CEMIP: variants seen among roughly 807,000 people sequenced by gnomAD.
The protein encoded by CEMIP is cell migration-inducing and hyaluronan-binding protein.
A neutral mutation model predicts 156.9 loss-of-function variants in CEMIP; 105 were observed. The ratio of observed to expected loss-of-function variants is 0.67; its 90% CI spans 0.57 to 0.79. CEMIP has a LOEUF of 0.79. Ranked by LOEUF, CEMIP falls within the 30% of genes least tolerant of loss-of-function variation. The pLI is 0.00. For synonymous variants in CEMIP, 676 were observed against 668.4 expected, an observed-to-expected ratio of 1.01 and a Z score of -0.17; for missense variants, 1,457 against 1,769.4, an observed-to-expected ratio of 0.82 and a Z score of 3.17.
intron 1 of CEMIP, among the ~76,000 whole-genome samples, chr15:80,810,896 C>CTGGT (rs1896657279): frequency 6.6e-6 from 1 of 152,222 alleles, no homozygotes; most frequent in Non-Finnish European, 1.5e-5. Context: ...AACCATCTGG[C>CTGGT]TGTCCATCCA....
chr15:80,853,322 G>GC (rs1333753227), intron 1 of CEMIP, among the ~76,000 whole-genome samples: 1 of 152,186 alleles, frequency 6.6e-6, no homozygotes, highest in Admixed American at 6.5e-5. Flanking sequence ...AGCTTCAAAG[G>GC]CAGGAATAAA....
In CEMIP at chr15:80,906,709, C is replaced by T. The variant is rs1045540090; in HGVS notation, c.1458C>T (p.Asp486=). The change falls in exon 13 of 30, where the codon GAC becomes GAT. Residue 486 remains aspartate, a synonymous_variant. Transcript: ENST00000394685. The surrounding 1 kb of genome is among the most constrained non-coding windows in gnomAD (Gnocchi z 4.3). The part of the protein sequence containing the change: ...LHIGEEIDGV[D]MRAEVGLLSR... ...TCGGGGAGGAGATAGACGGCGTGGA[C>T]ATGCGGGCGGAGGTTGGGCTTCTGA... The T allele has an allele frequency of 1.2e-6, 2 of 1,614,190 alleles. No homozygotes were observed. Among genetic ancestry groups the T allele is most frequent in the African/African-American group, 1.3e-5 (1 of 75,036 alleles).
chr15:80,935,299 C>T (rs1901077495), intron 23 of CEMIP, among the ~76,000 whole-genome samples: 1 of 152,194 alleles, frequency 6.6e-6, no homozygotes, highest in African/African-American at 2.4e-5. Flanking sequence ...GGCATCCACA[C>T]TGTCAGCATT....
chr15:80,779,857 G>T (rs749921400), intron 1 of CEMIP, among the ~76,000 whole-genome samples: 3 of 152,264 alleles, frequency 2.0e-5, no homozygotes, highest in Non-Finnish European at 4.4e-5. Context: ...ATCTTGTGAT[G>T]CTTTACAAGC....
intron 1 of CEMIP, among the ~76,000 whole-genome samples, chr15:80,853,989 T>A (rs375487720): frequency 1.2e-4 from 18 of 152,338 alleles, no homozygotes; most frequent in African/African-American, 4.3e-4. Flanking sequence ...AACTTCCAAA[T>A]GTAATACCCA....
rs1415722703 is a variant in CEMIP, at chr15:80,889,579, C to A, written c.1073C>A (p.Pro358His). The change falls in exon 10 of 30, where the codon CCC (proline) becomes CAC (histidine). Residue 358 changes from proline to histidine, a missense_variant. Transcript: ENST00000394685. ...CACCCAGGAAAAATATGCAATCGTC[C>A]CATTGATATACAGGTACCAAACTCA... ...KAHPGKICNR[P>H]IDIQATTMDG... The A allele has an allele frequency of 3.7e-6, 6 of 1,613,948 alleles. No homozygotes were observed.
chr15:80,912,627 T>A (rs1400911222), intron 14 of CEMIP, among the ~76,000 whole-genome samples: 1 of 152,088 alleles, frequency 6.6e-6, no homozygotes, highest in Non-Finnish European at 1.5e-5. Flanking sequence ...GACAGCAGGG[T>A]AATGGAGCAC....
chr15:80,900,486 G>C (rs1162125241), intron 12 of CEMIP, among the ~76,000 whole-genome samples: 1 of 151,960 alleles, frequency 6.6e-6, no homozygotes, highest in Non-Finnish European at 1.5e-5. Context: ...AAGGACATTC[G>C]GCTCGGAGCA....
intron 1 of CEMIP, among the ~76,000 whole-genome samples, chr15:80,853,481 G>A (rs1368537617): frequency 2.0e-5 from 3 of 152,140 alleles, no homozygotes; most frequent in Admixed American, 1.3e-4. Context: ...TGAAAGGGCA[G>A]ATCACAGAGA....
chr15:80,817,592 C>A (rs958661998), intron 1 of CEMIP, among the ~76,000 whole-genome samples: 3 of 127,796 alleles, frequency 2.3e-5, no homozygotes, highest in African/African-American at 8.7e-5. Context: ...CAGAGTGGGA[C>A]CCTGTCTCAA....
chr15:80,801,907 T>G (rs1035519441), intron 1 of CEMIP, among the ~76,000 whole-genome samples: 4 of 152,232 alleles, frequency 2.6e-5, no homozygotes, highest in Non-Finnish European at 4.4e-5. Flanking sequence ...TACATTGTAT[T>G]AGGTATTATA....
rs541165862 is a variant in CEMIP at position 80,853,893 on chromosome 15, T to C, written c.-175-19645T>C. Reference sequence around the variant, plus strand: ...GCATTGAGTTGAATTGAGACCTTGCTTTGAACCTTTGTTATGGGACCTTGG... The same window carrying C: ...GCATTGAGTTGAATTGAGACCTTGCCTTGAACCTTTGTTATGGGACCTTGG... On this transcript the variant is annotated intron_variant, in intron 1 of 29. Coordinates refer to ENST00000394685, the MANE Select transcript of CEMIP (RefSeq NM_001293298.2). Among the ~76,000 whole-genome samples the C allele has an allele frequency of 3.9e-5, 6 of 152,402 alleles. No homozygotes were observed. In the East Asian group the frequency reaches 9.6e-4, roughly 24 times the overall value.
chr15:80,937,620 C>T (rs1003529167), intron 24 of CEMIP, among the ~76,000 whole-genome samples, 174 bp from the exon 25 acceptor site: 5 of 152,222 alleles, frequency 3.3e-5, no homozygotes, highest in African/African-American at 1.2e-4. Context: ...CTCCCTCTCT[C>T]CTTGAACACT....
intron 19 of CEMIP, 100 bp downstream of exon 19, chr15:80,925,855 A>C: frequency 6.7e-7 from 1 of 1,489,660 alleles, no homozygotes; most frequent in Non-Finnish European, 9.0e-7. Flanking sequence ...AGGGGAAGCC[A>C]GACATACTGA....
intron 3 of CEMIP, among the ~76,000 whole-genome samples, chr15:80,874,495 C>T (rs990259671): frequency 1.3e-5 from 2 of 151,742 alleles, no homozygotes; most frequent in South Asian, 4.2e-4. Context: ...AACAAAAAAA[C>T]ACGTATCTGA....
At chr15:80,931,812 G>A in intron 21 of CEMIP, 47 bp from the exon 22 acceptor site, 2 of 1,578,294 alleles carry the variant, frequency 1.3e-6, no homozygotes, top group South Asian at 1.1e-5. Context: ...TAACTCCATA[G>A]GAATGGAAAA....
rs193023613 is a variant in CEMIP at position 80,825,600 on chromosome 15, G to A, written c.-176+45986G>A. Among the ~76,000 whole-genome samples, 5 of 152,342 alleles carry A rather than the reference G, an allele frequency of 3.3e-5. No individual in the cohort carries two copies. The East Asian group carries it at 9.6e-4, about 29-fold the overall frequency. Reference sequence around the variant, plus strand: ...CCAAGCCACAGCATGCATGGCCATGGTTCAAACAAGTAAGCAAAGCCATTG... The same window carrying A: ...CCAAGCCACAGCATGCATGGCCATGATTCAAACAAGTAAGCAAAGCCATTG... On this transcript the variant is annotated intron_variant, in intron 1 of 29. Coordinates refer to ENST00000394685, the MANE Select transcript of CEMIP (RefSeq NM_001293298.2).
chr15:80,859,980 C>G (rs1396473092), intron 1 of CEMIP, among the ~76,000 whole-genome samples: 1 of 152,110 alleles, frequency 6.6e-6, no homozygotes, highest in African/African-American at 2.4e-5. Context: ...TTGTCAAGCT[C>G]TGCAGAGTAT....
In CEMIP at chr15:80,841,133, G is replaced by A. The variant is rs367844209; in HGVS notation, c.-175-32405G>A. 1.2e-4 allele frequency among the ~76,000 whole-genome samples: 19 copies of A among 152,332 alleles called. 1 individual carries two copies. In the South Asian group the frequency reaches 3.5e-3, roughly 28 times the overall value. ...TTTGCCAGCTGATGGCTGCCATGTG[G>A]GAATTTGGACCTGGGTTGCCAGATC... On this transcript the variant is annotated intron_variant, in intron 1 of 29. Transcript: ENST00000394685.
Sources: allele counts gnomAD v4.1 joint callset (sites outside exome capture counted in the v4.1 genomes callset), GRCh38; gene constraint gnomAD v4.1.1; non-coding constraint Gnocchi (gnomAD v3.1); transcripts MANE v1.5; gene names NCBI Gene and HGNC (gene_info 2026-07-23, HGNC 2026-07-21).